Variants in SRGAP1 observed in about 807,000 individuals in gnomAD.
The protein encoded by SRGAP1 is SLIT-ROBO Rho GTPase-activating protein 1.
A neutral mutation model predicts 121.9 loss-of-function variants in SRGAP1; 43 were observed. The ratio of observed to expected loss-of-function variants is 0.35; its 90% CI spans 0.28 to 0.46. The LOEUF is 0.46. SRGAP1 is among the 20% of genes least tolerant of loss of function. SRGAP1 has a pLI of 1.00. For missense variants in SRGAP1, 1,102 were observed against 1,350.9 expected (o/e 0.82, Z 2.89); for synonymous variants, 447 against 485.4 (o/e 0.92, Z 1.04).
chr12:64,127,462 G>C, intron 19 of SRGAP1, 128 bp from the exon 20 acceptor site: 1 of 844,540 alleles, frequency 1.2e-6, no homozygotes, highest in South Asian at 3.0e-5. Context: ...ATAAAAGAAG[G>C]GCTTTCATGC....
intron 1 of SRGAP1, chr12:63,983,336 A>C (rs1290940749): frequency 6.6e-6 from 1 of 152,194 alleles, no homozygotes; most frequent in African/African-American, 2.4e-5. Flanking sequence ...CAGCTACCCA[A>C]AGATGTTACG....
intron 4 of SRGAP1, among the ~76,000 whole-genome samples, chr12:64,020,205 C>T (rs1190280918): frequency 1.3e-5 from 2 of 152,090 alleles, no homozygotes; most frequent in African/African-American, 2.4e-5. Flanking sequence ...GAGAGACGCC[C>T]TATGGTCCAT....
Position 64,065,233 on chromosome 12 carries a change from C to T in SRGAP1, c.1125+14C>T, listed in dbSNP as rs373128322. ...GAGAATGAAGAGGTGAGCATGCGTT[C>T]GTCCTGCCACACCAGTAATCTGAAT... On this transcript the variant is annotated intron_variant, in intron 8 of 21. Transcript: ENST00000355086. 48 of 1,590,304 alleles carry T rather than the reference C, an allele frequency of 3.0e-5. No individual in the cohort carries two copies. Among genetic ancestry groups the T allele is most frequent in the Non-Finnish European group, 3.8e-5 (44 of 1,163,440 alleles).
At chr12:63,994,578 G>T (rs919303492) in intron 3 of SRGAP1, among the ~76,000 whole-genome samples, 1 of 152,126 alleles carries the variant, frequency 6.6e-6, no homozygotes, top group Admixed American at 6.6e-5. Flanking sequence ...TACCTTTGAG[G>T]CTGAATTGAT....
At chr12:64,109,206 CATT>C (rs1280675783) in intron 16 of SRGAP1, 169 bp downstream of exon 16, 1 of 398,130 alleles carries the variant, frequency 2.5e-6, no homozygotes, top group Non-Finnish European at 4.4e-6. Flanking sequence ...AGATCAACAT[CATT>C]GATAGATGAA....
Position 64,161,958 on chromosome 12 carries a change from C to G in SRGAP1, c.*19286C>G, listed in dbSNP as rs189320561. 5.9e-5 allele frequency: 9 copies of G among 152,204 alleles called. No homozygotes were observed. The highest frequency in any genetic ancestry group is 5.9e-4 in the Admixed American group (9 of 15,284). 9.4% of individuals were successfully genotyped at this position (152,204 alleles called of 1,614,324 possible). A position where few individuals can be genotyped will look rare whatever the true frequency, so the allele number is the denominator to read the frequency against. On this transcript the variant is annotated 3_prime_UTR_variant, in exon 22 of 22. Transcript: ENST00000355086. ...TGAAAACATTATTACGTGAAATAAGCCAGTCATAAACCACATATTGTGTAT... is the reference window on the plus strand; with the variant it reads ...TGAAAACATTATTACGTGAAATAAGGCAGTCATAAACCACATATTGTGTAT...
chr12:64,047,262 C>G (rs1254393360), intron 6 of SRGAP1, among the ~76,000 whole-genome samples: 3 of 152,086 alleles, frequency 2.0e-5, no homozygotes, highest in Non-Finnish European at 2.9e-5. Flanking sequence ...ACTTTTAAGG[C>G]AATTAGAGTG....
intron 1 of SRGAP1, among the ~76,000 whole-genome samples, chr12:63,945,963 C>T (rs560290587): frequency 6.7e-6 from 1 of 150,244 alleles, no homozygotes; most frequent in Non-Finnish European, 1.5e-5. Flanking sequence ...CTATCTGGTT[C>T]ACCCACACAT....
At chr12:63,872,251 A>G (rs147754448) in intron 1 of SRGAP1, among the ~76,000 whole-genome samples, 275 of 152,356 alleles carry the variant, frequency 1.8e-3, no homozygotes, top group African/African-American at 6.3e-3. Flanking sequence ...TATGGGAACT[A>G]CAACGTACGT....
chr12:64,080,528 C>A (rs1382034665), intron 10 of SRGAP1, 158 bp downstream of exon 10: 3 of 728,120 alleles, frequency 4.1e-6, no homozygotes, highest in South Asian at 3.0e-5. Context: ...ATTAAGTTCT[C>A]CTGGCACGAT....
At chr12:64,076,842 C>T (rs903087890) in intron 8 of SRGAP1, among the ~76,000 whole-genome samples, 1 of 152,008 alleles carries the variant, frequency 6.6e-6, no homozygotes, top group Non-Finnish European at 1.5e-5. Flanking sequence ...CAGGGTTTCA[C>T]CATATTGGCC....
intron 10 of SRGAP1, among the ~76,000 whole-genome samples, chr12:64,085,374 G>A (rs1031911517): frequency 6.6e-6 from 1 of 152,084 alleles, no homozygotes; most frequent in African/African-American, 2.4e-5. Flanking sequence ...ACTTAATGCT[G>A]TCATAAAGTA....
chr12:63,988,564 A>AT (rs1307885162), intron 2 of SRGAP1, among the ~76,000 whole-genome samples: 2 of 152,028 alleles, frequency 1.3e-5, no homozygotes, highest in Non-Finnish European at 2.9e-5. Flanking sequence ...GTCTACTTTC[A>AT]TTTTCTTCTA....
chr12:64,053,583 T>C (rs1347519069), intron 6 of SRGAP1, among the ~76,000 whole-genome samples: 1 of 152,196 alleles, frequency 6.6e-6, no homozygotes. Context: ...ATAAGGACTT[T>C]TATTATGTCA....
At chr12:64,061,505 A>G (rs2035449754) in intron 6 of SRGAP1, among the ~76,000 whole-genome samples, 1 of 152,136 alleles carries the variant, frequency 6.6e-6, no homozygotes, top group African/African-American at 2.4e-5. Flanking sequence ...TTCTTTTGGT[A>G]TTTGATTTTG....
At chr12:64,142,204 C>A in intron 21 of SRGAP1, 91 bp from the exon 22 acceptor site, 1 of 1,367,518 alleles carries the variant, frequency 7.3e-7, no homozygotes, top group Non-Finnish European at 1.0e-6. Context: ...CTCTGCTGGG[C>A]CGTTTACTTT....
intron 1 of SRGAP1, among the ~76,000 whole-genome samples, chr12:63,975,302 T>C (rs1032473619): frequency 6.6e-6 from 1 of 152,190 alleles, no homozygotes; most frequent in Non-Finnish European, 1.5e-5. Context: ...AGGTTTTGCC[T>C]TCTGATTAAG....
At position 64,108,913 on chromosome 12, in the gene SRGAP1, T is replaced by C. The variant is rs938647823; in HGVS notation, c.1814-19T>C. 6.4e-7 allele frequency: 1 copy of C among 1,570,280 alleles called. No individual in the cohort carries two copies. The highest frequency in any genetic ancestry group is 8.7e-7 in the Non-Finnish European group (1 of 1,149,600). On this transcript the variant is annotated intron_variant, in intron 15 of 21. Coordinates refer to ENST00000355086, the MANE Select transcript of SRGAP1 (RefSeq NM_020762.4). The stretch of plus-strand genomic sequence containing the variant: ...GTGGCAAGTGAAAGGACTCTGACCA[T>C]GTCATCTTCTGTCTGTAGGAATAGA...
chr12:64,017,635 A>G (rs143837211), intron 4 of SRGAP1, among the ~76,000 whole-genome samples: 3,751 of 151,786 alleles, frequency 0.025, 159 homozygotes, highest in African/African-American at 0.086. Context: ...AGCCTGGGCA[A>G]CAGAGTGAGA....
Sources: gnomAD v4.1 joint callset for allele counts (sites outside exome capture counted in the v4.1 genomes callset) on GRCh38, gnomAD v4.1.1 for gene constraint, MANE v1.5 for transcripts, NCBI Gene and HGNC (gene_info 2026-07-23, HGNC 2026-07-21) for gene names.